The following FSD1 variants were observed in gnomAD, a reference collection of about 807,000 sequenced individuals.
The protein encoded by FSD1 is fibronectin type III and SPRY domain-containing protein 1.
FSD1 carries 23 observed loss-of-function variants against 58.2 expected under a neutral mutation model. The ratio of observed to expected loss-of-function variants is 0.40; its 90% CI spans 0.28 to 0.56. FSD1 has a LOEUF of 0.56. Among genes scored for constraint, FSD1 ranks in the 20% least tolerant of loss-of-function variants. The pLI, the probability that FSD1 is intolerant of heterozygous loss-of-function variation, is 0.54. For synonymous variants in FSD1, 265 were observed against 263.4 expected, an observed-to-expected ratio of 1.01 and a Z score of -0.06; for missense variants, 563 against 670.8, an observed-to-expected ratio of 0.84 and a Z score of 1.78.
rs528108937 is a variant in FSD1 at position 4,323,257 on chromosome 19, G to A, written c.1291+20G>A. 2.5e-6 allele frequency: 4 copies of A among 1,605,414 alleles called. No individual in the cohort carries two copies. In the South Asian group the frequency reaches 3.3e-5, roughly 13 times the overall value. On this transcript the variant is annotated intron_variant, in intron 11 of 12. Transcript: ENST00000221856. The surrounding 1 kb of genome is among the most constrained non-coding windows in gnomAD (Gnocchi z 7.7). ...ACCAAGGTGACCCCAAGCCCCAGCTGCCGTCTCTGGCTGCCCCTGCCTGAG... is the reference window on the plus strand; with the variant it reads ...ACCAAGGTGACCCCAAGCCCCAGCTACCGTCTCTGGCTGCCCCTGCCTGAG...
intron 7 of FSD1, among the ~76,000 whole-genome samples, chr19:4,312,602 G>C (rs1371125688): frequency 6.6e-6 from 1 of 151,812 alleles, no homozygotes; most frequent in Non-Finnish European, 1.5e-5. Context: ...AGGAGATCGA[G>C]ACCATCCTGG....
chr19:4,304,946 C>T (rs1268980591), intron 1 of FSD1, among the ~76,000 whole-genome samples, 185 bp downstream of exon 1: 1 of 143,724 alleles, frequency 7.0e-6, no homozygotes, highest in African/African-American at 2.6e-5. Flanking sequence ...CGCAGCCCCC[C>T]CACATCTTGG....
Position 4,307,872 on chromosome 19 carries a change from G to T in FSD1, c.244-10G>T, listed in dbSNP as rs772603907. On this transcript the variant is annotated splice_polypyrimidine_tract_variant and intron_variant, in intron 3 of 12. Transcript: ENST00000221856. ...GAGTTGTCCCCTCCTTTGGTGCCTG[G>T]TATCCACAGAACCAGCTGGCTGCCT... 6.8e-6 allele frequency: 11 copies of T among 1,609,838 alleles called. No individual in the cohort carries two copies. Among genetic ancestry groups the T allele is most frequent in the Non-Finnish European group, 9.3e-6 (11 of 1,177,702 alleles).
At chr19:4,322,840 G>A in intron 10 of FSD1, 146 bp from the exon 11 acceptor site, 1 of 974,862 alleles carries the variant, frequency 1.0e-6, no homozygotes, top group Non-Finnish European at 1.5e-6. Context: ...GAGTATCTGG[G>A]GGGTACAGCT....
intron 4 of FSD1, among the ~76,000 whole-genome samples, chr19:4,308,628 C>T (rs927083406): frequency 4.6e-5 from 7 of 152,160 alleles, no homozygotes; most frequent in Admixed American, 1.3e-4. Context: ...GAGGCCAAGG[C>T]GGGCGGATCA....
chr19:4,318,257 C>T (rs937859138), intron 8 of FSD1, 89 bp from the exon 9 acceptor site: 15 of 1,553,180 alleles, frequency 9.7e-6, no homozygotes, highest in Non-Finnish European at 1.3e-5. Flanking sequence ...CTGTCTTGGT[C>T]TGTCTTGGTC....
chr19:4,310,397 C>T, intron 5 of FSD1, 78 bp from the exon 6 acceptor site: 1 of 1,605,150 alleles, frequency 6.2e-7, no homozygotes, highest in Non-Finnish European at 8.5e-7. Flanking sequence ...TGGACGGGAG[C>T]CCTGGGGAGG....
intron 3 of FSD1, 150 bp from the exon 4 acceptor site, chr19:4,307,732 T>G: frequency 1.7e-6 from 1 of 575,956 alleles, no homozygotes; most frequent in Non-Finnish European, 3.0e-6. Flanking sequence ...CCAGCCCCAT[T>G]TGGTGGGGCG....
chr19:4,319,069 C>T, intron 10 of FSD1, 118 bp downstream of exon 10: 1 of 756,046 alleles, frequency 1.3e-6, no homozygotes, highest in Non-Finnish European at 2.3e-6. Context: ...CAAAGCTGCT[C>T]CCGGAATAAC....
intron 7 of FSD1, among the ~76,000 whole-genome samples, chr19:4,315,301 A>ATTTT (rs1219053251): frequency 5.3e-4 from 42 of 79,576 alleles, no homozygotes; most frequent in Non-Finnish European, 5.8e-4. Context: ...CGCCTGGTTA[A>ATTTT]TTTTTTTTTT....
chr19:4,316,008 C>T lies in FSD1; in HGVS notation c.701-1174C>T, dbSNP rs908434550. On this transcript the variant is annotated intron_variant, in intron 7 of 12. Transcript: ENST00000221856. ...CTCAAACTCCTGACCTTATGGGTTC[C>T]TCCTGCCTCCACCTCCCAGATGTGC... Among the ~76,000 whole-genome samples the T allele has an allele frequency of 2.6e-5, 4 of 151,744 alleles. No individual in the cohort carries two copies. The East Asian group carries it at 7.8e-4, about 30-fold the overall frequency.
chr19:4,308,118 A>T (rs1416599788), intron 4 of FSD1, 135 bp downstream of exon 4: 2 of 669,312 alleles, frequency 3.0e-6, no homozygotes, highest in Admixed American at 5.3e-5. Context: ...TGATACCAAG[A>T]AAGTGTCCAG....
At chr19:4,312,575 G>A (rs866453338) in intron 7 of FSD1, among the ~76,000 whole-genome samples, 3 of 151,696 alleles carry the variant, frequency 2.0e-5, no homozygotes, top group South Asian at 2.1e-4. Flanking sequence ...AGGCCGAGGC[G>A]GGCCGATCAC....
Position 4,307,968 on chromosome 19 carries a change from C to G in FSD1, c.330C>G (p.Ser110Arg). 6.2e-7 allele frequency: 1 copy of G among 1,613,528 alleles called. No individual in the cohort carries two copies. Among genetic ancestry groups the G allele is most frequent in the Non-Finnish European group, 8.5e-7 (1 of 1,179,664 alleles). Residue 110 changes from serine (S) to arginine (R), a missense_variant, in exon 4 of 13, where the codon AGC becomes AGG. Transcript: ENST00000221856. Reference sequence around the variant, plus strand: ...ACCAGACTCTGCAGGCCATGGACAGCGAGGACTTTCCTCAGGTGGGTGCCT... The same window carrying G: ...ACCAGACTCTGCAGGCCATGGACAGGGAGGACTTTCCTCAGGTGGGTGCCT... The part of the protein sequence containing the change: ...TANQTLQAMD[S>R]EDFPQAAKQI...
chr19:4,319,702 T>C (rs62129302), intron 10 of FSD1, among the ~76,000 whole-genome samples: 3,026 of 151,868 alleles, frequency 0.02, 48 homozygotes, highest in South Asian at 0.064. Flanking sequence ...GCAGAAGATA[T>C]AGGGAGTTGT....
chr19:4,315,894 G>A (rs1455731838), intron 7 of FSD1, among the ~76,000 whole-genome samples: 2 of 151,736 alleles, frequency 1.3e-5, no homozygotes, highest in Non-Finnish European at 2.9e-5. Context: ...CTCCCAAAGT[G>A]CTGGGATTAT....
intron 7 of FSD1, among the ~76,000 whole-genome samples, chr19:4,316,395 A>G (rs556849604): frequency 7.0e-6 from 1 of 143,094 alleles, no homozygotes; most frequent in South Asian, 2.2e-4. Flanking sequence ...CAATTTTTAT[A>G]TTTTTAGTAG....
intron 7 of FSD1, among the ~76,000 whole-genome samples, chr19:4,313,919 T>A (rs1347104088): frequency 6.6e-6 from 1 of 151,840 alleles, no homozygotes; most frequent in African/African-American, 2.4e-5. Context: ...TCCCAGCTAC[T>A]TGGGAGGCTG....
At position 4,307,887 on chromosome 19, in the gene FSD1, G is replaced by T. The variant is rs35484545; in HGVS notation, c.249G>T (p.Gln83His). The change falls in exon 4 of 13, where the codon CAG becomes CAT. Residue 83 changes from glutamine (Q) to histidine (H), a missense_variant. Gln to His is a conservative substitution (Grantham distance 24, BLOSUM62 0). Coordinates refer to ENST00000221856, the MANE Select transcript of FSD1 (RefSeq NM_024333.3). ...TTGGTGCCTGGTATCCACAGAACCA[G>T]CTGGCTGCCTGCACGCGGGCCCTGG... ...RASRTYELQN[Q>H]LAACTRALES... is the part of the protein sequence containing the mutation. 2 of 1,612,948 alleles carry T rather than the reference G, an allele frequency of 1.2e-6. No homozygotes were observed. Among genetic ancestry groups the T allele is most frequent in the East Asian group, 2.2e-5 (1 of 44,832 alleles).
Sources: gnomAD v4.1 joint callset for allele counts (sites outside exome capture counted in the v4.1 genomes callset) on GRCh38, gnomAD v4.1.1 for gene constraint, Gnocchi (gnomAD v3.1) non-coding constraint, MANE v1.5 for transcripts, NCBI Gene and HGNC (gene_info 2026-07-23, HGNC 2026-07-21) for gene names.